PDGFC: variants seen among roughly 807,000 people sequenced by gnomAD.
PDGFC encodes the protein platelet derived growth factor C.
In PDGFC, 12 loss-of-function variants were observed where a neutral mutation model predicts 35.5. That is an observed-to-expected ratio of 0.34 (90% CI 0.22 to 0.55). The LOEUF is 0.55. Ranked by LOEUF, PDGFC falls within the 20% of genes least tolerant of loss-of-function variation. PDGFC has a pLI of 0.91. For synonymous variants in PDGFC, 159 were observed against 148.8 expected, an observed-to-expected ratio of 1.07 and a Z score of -0.50; for missense variants, 322 against 412.4, an observed-to-expected ratio of 0.78 and a Z score of 1.90.
At chr4:156,776,536 G>C (rs1176877078) in intron 3 of PDGFC, among the ~76,000 whole-genome samples, 3 of 152,206 alleles carry the variant, frequency 2.0e-5, no homozygotes, top group African/African-American at 7.2e-5. Flanking sequence ...TGACAAGCTT[G>C]GTGAGGGTGT....
At chr4:156,892,789 G>A (rs1730544002) in intron 1 of PDGFC, among the ~76,000 whole-genome samples, 1 of 152,154 alleles carries the variant, frequency 6.6e-6, no homozygotes, top group Non-Finnish European at 1.5e-5. Context: ...TTGAACCACA[G>A]TATCATTTGC....
At chr4:156,822,750 T>C (rs1288949851) in intron 2 of PDGFC, among the ~76,000 whole-genome samples, 2 of 149,920 alleles carry the variant, frequency 1.3e-5, no homozygotes, top group Admixed American at 6.6e-5. Flanking sequence ...AGAGCTCATA[T>C]TCTCTTTTAT....
intron 1 of PDGFC, among the ~76,000 whole-genome samples, chr4:156,856,379 A>G (rs2111100106): frequency 6.6e-6 from 1 of 152,260 alleles, no homozygotes; most frequent in East Asian, 1.9e-4. Context: ...AAGTACTTCT[A>G]CAGGTGCTTA....
intron 2 of PDGFC, among the ~76,000 whole-genome samples, chr4:156,845,101 ACT>A (rs1291249616): frequency 1.3e-5 from 2 of 151,844 alleles, no homozygotes; most frequent in Non-Finnish European, 2.9e-5. Flanking sequence ...CATTTTAAAA[ACT>A]CATATATATA....
At chr4:156,878,597 G>T (rs771975849) in intron 1 of PDGFC, among the ~76,000 whole-genome samples, 15 of 151,934 alleles carry the variant, frequency 9.9e-5, no homozygotes, top group Non-Finnish European at 1.9e-4. Context: ...TGTAATATTT[G>T]CATTATATAT....
intron 2 of PDGFC, among the ~76,000 whole-genome samples, chr4:156,845,553 G>A (rs889553364): frequency 1.3e-5 from 2 of 151,570 alleles, no homozygotes; most frequent in Admixed American, 1.3e-4. Context: ...ACTCAGTAAG[G>A]TATAAATGAT....
intron 1 of PDGFC, among the ~76,000 whole-genome samples, chr4:156,955,297 T>C (rs375200224): frequency 3.9e-4 from 59 of 152,132 alleles, no homozygotes; most frequent in African/African-American, 1.3e-3. Context: ...CTCTAGCTTC[T>C]CTGTCCTTTA....
chr4:156,867,233 A>G (rs1579065702), intron 1 of PDGFC, among the ~76,000 whole-genome samples: 2 of 152,350 alleles, frequency 1.3e-5, no homozygotes, highest in South Asian at 4.1e-4. Flanking sequence ...ATAATTACAT[A>G]TAAATATGCA....
intron 1 of PDGFC, among the ~76,000 whole-genome samples, chr4:156,869,554 A>C (rs1319589829): frequency 6.6e-6 from 1 of 152,188 alleles, no homozygotes; most frequent in African/African-American, 2.4e-5. Context: ...CTCTTCTCTA[A>C]GAAAACCTCA....
At chr4:156,786,352 T>TA (rs1013538716) in intron 3 of PDGFC, among the ~76,000 whole-genome samples, 19 of 151,928 alleles carry the variant, frequency 1.3e-4, no homozygotes, top group African/African-American at 4.6e-4. Flanking sequence ...CAGGAAGAAG[T>TA]AAAAAGTAAA....
chr4:156,962,963 T>C (rs1459309420), intron 1 of PDGFC, among the ~76,000 whole-genome samples: 2 of 152,170 alleles, frequency 1.3e-5, no homozygotes, highest in Non-Finnish European at 2.9e-5. Flanking sequence ...AGGTCCTTCC[T>C]GGCAGATCAT....
At chr4:156,799,616 C>G (rs1454031084) in intron 3 of PDGFC, among the ~76,000 whole-genome samples, 1 of 152,112 alleles carries the variant, frequency 6.6e-6, no homozygotes, top group African/African-American at 2.4e-5. Flanking sequence ...TATTTCTTAG[C>G]TAAATTTTAG....
intron 3 of PDGFC, among the ~76,000 whole-genome samples, chr4:156,775,432 T>G (rs1730803329): frequency 6.6e-6 from 1 of 152,218 alleles, no homozygotes; most frequent in South Asian, 2.1e-4. Context: ...GTATACATTA[T>G]TTATTAAATT....
intron 3 of PDGFC, among the ~76,000 whole-genome samples, chr4:156,792,429 C>T (rs1343188162): frequency 6.6e-6 from 1 of 152,066 alleles, no homozygotes; most frequent in Non-Finnish European, 1.5e-5. Context: ...TCACAGAGCA[C>T]ATTTTTAAAA....
chr4:156,860,125 T>C (rs1028185998), intron 1 of PDGFC, among the ~76,000 whole-genome samples: 4 of 152,184 alleles, frequency 2.6e-5, no homozygotes, highest in African/African-American at 9.6e-5. Flanking sequence ...ACTGACTTTA[T>C]GAGGCTCACC....
chr4:156,853,414 T>C (rs1579056615), intron 1 of PDGFC, among the ~76,000 whole-genome samples: 1 of 152,168 alleles, frequency 6.6e-6, no homozygotes, highest in South Asian at 2.1e-4. Context: ...TTTTTATTTA[T>C]GAGATATAAT....
chr4:156,789,605 G>C (rs1203745268), intron 3 of PDGFC, among the ~76,000 whole-genome samples: 1 of 152,128 alleles, frequency 6.6e-6, no homozygotes, highest in Non-Finnish European at 1.5e-5. Context: ...AGAAGTGGCT[G>C]ACAAAATCGA....
At chr4:156,835,974 G>A (rs1373541075) in intron 2 of PDGFC, 2 of 152,104 alleles carry the variant, frequency 1.3e-5, no homozygotes, top group Admixed American at 6.5e-5. Context: ...TTAATTACTG[G>A]GAACAGGAAC....
chr4:156,957,210 TC>T (rs1732234104), intron 1 of PDGFC, among the ~76,000 whole-genome samples: 1 of 152,020 alleles, frequency 6.6e-6, no homozygotes, highest in East Asian at 1.9e-4. Flanking sequence ...ACACATTTAA[TC>T]TTTTCCTCTC....
Sources: allele counts gnomAD v4.1 joint callset (sites outside exome capture counted in the v4.1 genomes callset), GRCh38; gene constraint gnomAD v4.1.1; transcripts MANE v1.5; gene names NCBI Gene and HGNC (gene_info 2026-07-23, HGNC 2026-07-21).